The following KCNH3 variants were observed in gnomAD, a reference collection of about 807,000 sequenced individuals.
KCNH3 encodes potassium voltage-gated channel subfamily H member 3.
Under a neutral mutation model 95.6 loss-of-function variants are expected in KCNH3, and 36 were observed. The ratio of observed to expected loss-of-function variants is 0.38; its 90% CI spans 0.29 to 0.50. The LOEUF (loss-of-function observed/expected upper bound fraction) is 0.50. Ranked by LOEUF, KCNH3 falls within the 20% of genes least tolerant of loss-of-function variation. The pLI is 0.95. For missense variants in KCNH3, 1,030 were observed against 1,484.1 expected (o/e 0.69, Z 5.03); for synonymous variants, 620 against 646.3 (o/e 0.96, Z 0.62).
At position 49,558,176 on chromosome 12, in the gene KCNH3, G is replaced by T. The variant is rs2138176263; in HGVS notation, c.*223G>T. The T allele has an allele frequency of 4.6e-6, 2 of 430,766 alleles. No homozygotes were observed. The highest frequency in any genetic ancestry group is 7.0e-5 in the East Asian group (2 of 28,440). The allele number at this position is 430,766 out of a possible 1,614,324, so 26.7% of individuals were successfully genotyped here. ...CTCGGCCTGCTCCTCTGACCTCCCG[G>T]TCTCCCTCTGCAGGCTGGGGGCAGA... is the stretch of plus-strand genomic sequence containing the variant. On this transcript the variant is annotated 3_prime_UTR_variant, in exon 15 of 15. Transcript: ENST00000257981.
At chr12:49,548,127 TGTGTGTGC>T (rs1235902570) in intron 7 of KCNH3, among the ~76,000 whole-genome samples, 152 of 136,002 alleles carry the variant, frequency 1.1e-3, no homozygotes, top group South Asian at 8.6e-3. Flanking sequence ...TGTGTGTGTG[TGTGTGTGC>T]GCGCGCACCT....
At chr12:49,544,896 T>C (rs2138144354) in intron 7 of KCNH3, among the ~76,000 whole-genome samples, 1 of 152,134 alleles carries the variant, frequency 6.6e-6, no homozygotes, top group Non-Finnish European at 1.5e-5. Flanking sequence ...GTCCCCAGCA[T>C]CTTCACTCTC....
chr12:49,554,358 G>A lies in KCNH3; in HGVS notation c.1940G>A (p.Cys647Tyr). The change falls in exon 11 of 15, where the codon TGT (cysteine) becomes TAT (tyrosine). Residue 647 changes from cysteine to tyrosine, a missense_variant. Around this residue, in one of 9 missense-constraint regions of KCNH3, gnomAD observed 160 missense variants for 316.2 expected, o/e 0.51. Coordinates refer to ENST00000257981, the MANE Select transcript of KCNH3 (RefSeq NM_012284.3). ...AILGKGDLIGCELPRREQVVK... is the reference protein window; with the variant it reads ...AILGKGDLIGYELPRREQVVK... The stretch of plus-strand genomic sequence containing the variant: ...CCAGGGAAGGGCGACCTGATCGGCT[G>A]TGAGCTGCCCCGGCGGGAGCAGGTG... The A allele has an allele frequency of 6.2e-7, 1 of 1,613,488 alleles. No homozygotes were observed. The highest frequency in any genetic ancestry group is 8.5e-7 in the Non-Finnish European group (1 of 1,180,036).
At chr12:49,549,223 C>G (rs376863635) in intron 8 of KCNH3, 50 bp downstream of exon 8, 2 of 1,531,830 alleles carry the variant, frequency 1.3e-6, no homozygotes, top group African/African-American at 1.4e-5. Flanking sequence ...GACTTCTGCC[C>G]GCAGGCGGCG....
At chr12:49,540,770 G>T in intron 1 of KCNH3, 129 bp from the exon 2 acceptor site, 1 of 683,692 alleles carries the variant, frequency 1.5e-6, no homozygotes, top group Non-Finnish European at 2.6e-6. Flanking sequence ...AAACAGCCCT[G>T]CCTTAACACA....
In KCNH3 at chr12:49,541,078, G is replaced by A; in HGVS notation, c.256G>A (p.Ala86Thr). The A allele has an allele frequency of 6.2e-7, 1 of 1,611,760 alleles. No homozygotes were observed. The highest frequency in any genetic ancestry group is 8.5e-7 in the Non-Finnish European group (1 of 1,180,036). Residue 86 changes from alanine to threonine, a missense_variant, in exon 2 of 15, where the codon GCC becomes ACC. Physicochemically the swap from Ala to Thr is moderately conservative, Grantham distance 58. Transcript: ENST00000257981. ...GCTCGTCCGCCAACAGATCCGCAAGGCCCTGGACGAGCACAAGGAGTTCAA... is the reference window on the plus strand; with the variant it reads ...GCTCGTCCGCCAACAGATCCGCAAGACCCTGGACGAGCACAAGGAGTTCAA... ...SELVRQQIRK[A>T]LDEHKEFKAE...
At chr12:49,550,005 G>C (rs1158382862) in intron 9 of KCNH3, 75 bp from the exon 10 acceptor site, 5 of 1,461,210 alleles carry the variant, frequency 3.4e-6, no homozygotes, top group Non-Finnish European at 4.6e-6. Flanking sequence ...TGCCAGGGTG[G>C]AGAGGGGCTG....
chr12:49,543,563 T>A, intron 5 of KCNH3, 45 bp downstream of exon 5: 2 of 1,572,566 alleles, frequency 1.3e-6, no homozygotes, highest in Non-Finnish European at 1.7e-6. Context: ...GCTGGCGCCC[T>A]GGGGCTTTGC....
Position 49,542,562 on chromosome 12 carries a change from T to C in KCNH3, c.446-144T>C, listed in dbSNP as rs2138139286. ...GCAAGTGAACCCAGGAAGTGAGGAATACCTGAGCCCCCAACTCTAAACATT... is the reference window on the plus strand; with the variant it reads ...GCAAGTGAACCCAGGAAGTGAGGAACACCTGAGCCCCCAACTCTAAACATT... On this transcript the variant is annotated intron_variant, in intron 3 of 14. Transcript: ENST00000257981. 6.1e-6 allele frequency: 6 copies of C among 981,720 alleles called. No homozygotes were observed. The East Asian group carries it at 1.3e-4, about 22-fold the overall frequency. 60.8% of individuals were successfully genotyped at this position (981,720 alleles called of 1,614,324 possible).
rs1312169875 is a variant in KCNH3 at position 49,542,782 on chromosome 12, C to T, written c.522C>T (p.Leu174=). The stretch of plus-strand genomic sequence containing the variant: ...ACCGGCGGCGGAGCCGGGCCGTGCT[C>T]TACCACCTGTCCGGGCACCTGCAGA... The part of the protein sequence containing the change: ...NANRRRSRAV[L]YHLSGHLQKQ... Residue 174 remains leucine (L), a synonymous_variant, in exon 4 of 15, where the codon CTC becomes CTT. Transcript: ENST00000257981. The T allele has an allele frequency of 1.2e-6, 2 of 1,600,094 alleles. No individual in the cohort carries two copies. Among genetic ancestry groups the T allele is most frequent in the Admixed American group, 3.5e-5 (2 of 57,190 alleles).
Position 49,539,531 on chromosome 12 carries a change from G to A in KCNH3, c.76+39G>A. On this transcript the variant is annotated intron_variant, in intron 1 of 14. Coordinates refer to ENST00000257981, the MANE Select transcript of KCNH3 (RefSeq NM_012284.3). The surrounding 1 kb of genome is among the most constrained non-coding windows in gnomAD (Gnocchi z 6.7). ...TCGCCCACTTGCACCCGGGCCGCCG[G>A]ACCCTCGCCAGGGCTCCCGCCTTCC... The A allele has an allele frequency of 6.4e-7, 1 of 1,556,088 alleles. No homozygotes were observed. Among genetic ancestry groups the A allele is most frequent in the Non-Finnish European group, 8.7e-7 (1 of 1,148,638 alleles).
At chr12:49,544,919 T>A (rs1938009251) in intron 7 of KCNH3, among the ~76,000 whole-genome samples, 1 of 151,908 alleles carries the variant, frequency 6.6e-6, no homozygotes, top group South Asian at 2.1e-4. Flanking sequence ...TCATGTCACC[T>A]CCTCTCCTTC....
At chr12:49,557,120 A>AC in intron 13 of KCNH3, 63 bp from the exon 14 acceptor site, 2 of 1,505,648 alleles carry the variant, frequency 1.3e-6, no homozygotes, top group Non-Finnish European at 1.8e-6. Context: ...CAAGGCCTAG[A>AC]CCCCCAAATT....
At chr12:49,556,226 A>ACC in intron 12 of KCNH3, 144 bp from the exon 13 acceptor site, 1 of 682,438 alleles carries the variant, frequency 1.5e-6, no homozygotes, top group Non-Finnish European at 2.6e-6. Context: ...AGGGGAAGGG[A>ACC]CCCCATGTTA....
chr12:49,544,099 G>T, intron 6 of KCNH3, 27 bp downstream of exon 6: 2 of 1,606,286 alleles, frequency 1.2e-6, no homozygotes, highest in South Asian at 2.2e-5. Flanking sequence ...TGGCTGGGTG[G>T]GTGGGCTTGG....
At chr12:49,544,534 C>A in intron 7 of KCNH3, 152 bp downstream of exon 7, 1 of 758,940 alleles carries the variant, frequency 1.3e-6, no homozygotes, top group Middle Eastern at 3.8e-4. Flanking sequence ...AGTGTGACAG[C>A]CACCACCACG....
At chr12:49,544,411 G>A (rs1937987811) in intron 7 of KCNH3, 29 bp downstream of exon 7, 1 of 1,602,780 alleles carries the variant, frequency 6.2e-7, no homozygotes, top group Non-Finnish European at 8.5e-7. Context: ...GCATGTGGTG[G>A]GGAGGGAGTT....
chr12:49,555,597 T>G, intron 11 of KCNH3, 23 bp from the exon 12 acceptor site: 1 of 1,465,838 alleles, frequency 6.8e-7, no homozygotes, highest in South Asian at 1.4e-5. Flanking sequence ...CCATGCCGAT[T>G]CCCTGTCCCT....
intron 4 of KCNH3, 133 bp downstream of exon 4, chr12:49,542,972 TGAA>T (rs1443393395): frequency 2.2e-5 from 27 of 1,217,096 alleles, no homozygotes; most frequent in Non-Finnish European, 2.9e-5. Context: ...GGGTTGGGAC[TGAA>T]GGAGGGAAGA....
Sources: allele counts gnomAD v4.1 joint callset (sites outside exome capture counted in the v4.1 genomes callset), GRCh38; gene constraint gnomAD v4.1.1; regional missense constraint gnomAD v4.1.1; non-coding constraint Gnocchi (gnomAD v3.1); transcripts MANE v1.5; gene names NCBI Gene and HGNC (gene_info 2026-07-23, HGNC 2026-07-21).